The following MGA variants were observed in gnomAD, a reference collection of about 807,000 sequenced individuals.
MGA encodes MAX gene-associated protein.
In MGA, 40 loss-of-function variants were observed where a neutral mutation model predicts 261.1. The observed-to-expected ratio is 0.15, with a 90% CI of 0.12 to 0.20. The LOEUF is 0.20. Among genes scored for constraint, MGA ranks in the 10% least tolerant of loss-of-function variants. MGA has a pLI of 1.00. For synonymous variants in MGA, 1,302 were observed against 1,290.6 expected, an observed-to-expected ratio of 1.01 and a Z score of -0.19; for missense variants, 3,397 against 3,630.5, an observed-to-expected ratio of 0.94 and a Z score of 1.65.
chr15:41,666,535 G>A (rs1160624704), intron 1 of MGA, among the ~76,000 whole-genome samples: 2 of 152,160 alleles, frequency 1.3e-5, no homozygotes, highest in Non-Finnish European at 2.9e-5. Flanking sequence ...ATATTATGCA[G>A]TAGACTCATG....
upstream of MGA, among the ~76,000 whole-genome samples, chr15:41,659,132 C>G (rs1485972908): frequency 6.6e-6 from 1 of 152,082 alleles, no homozygotes; most frequent in Non-Finnish European, 1.5e-5. Flanking sequence ...GCTGACCGTG[C>G]CTGACTTGGG....
intron 3 of MGA, among the ~76,000 whole-genome samples, chr15:41,698,417 G>A (rs938490112): frequency 2.7e-5 from 4 of 149,730 alleles, no homozygotes; most frequent in African/African-American, 7.4e-5. Flanking sequence ...CACCTGCCTC[G>A]GCCTCCCAAA....
At chr15:41,736,747 T>C (rs578208168) in intron 13 of MGA, 49 bp downstream of exon 13, 2 of 1,479,638 alleles carry the variant, frequency 1.4e-6, no homozygotes, top group East Asian at 4.7e-5. Context: ...TACACCTAGG[T>C]AGTATCATGA....
chr15:41,657,507 C>G (rs1021052728), upstream of MGA, among the ~76,000 whole-genome samples: 2 of 152,010 alleles, frequency 1.3e-5, no homozygotes, highest in African/African-American at 4.8e-5. Context: ...GCGCACGCCA[C>G]CATGCCCGGC....
At position 41,711,360 on chromosome 15, in the gene MGA, G is replaced by T. The variant is rs751148023; in HGVS notation, c.3084+11G>T. 1.9e-6 allele frequency: 3 copies of T among 1,575,356 alleles called. No homozygotes were observed. The highest frequency in any genetic ancestry group is 2.6e-6 in the Non-Finnish European group (3 of 1,162,290). ...CTACTTACAGCTCAAGTAAGTAGCT[G>T]CTGTTTTCTGGAGGTATATTAGTGC... On this transcript the variant is annotated intron_variant, in intron 8 of 23. Coordinates refer to ENST00000219905, the MANE Select transcript of MGA (RefSeq NM_001164273.2).
At chr15:41,713,691 G>A (rs531400466) in intron 9 of MGA, among the ~76,000 whole-genome samples, 195 bp downstream of exon 9, 3 of 152,236 alleles carry the variant, frequency 2.0e-5, no homozygotes, top group East Asian at 1.9e-4. Context: ...AAGTTGAATT[G>A]TTCTCTGAGA....
At chr15:41,717,540 C>T (rs2060706174) in intron 9 of MGA, among the ~76,000 whole-genome samples, 1 of 152,066 alleles carries the variant, frequency 6.6e-6, no homozygotes, top group Non-Finnish European at 1.5e-5. Flanking sequence ...AATGGAAAAA[C>T]TCTTTAAAAG....
intron 18 of MGA, among the ~76,000 whole-genome samples, chr15:41,755,609 C>T (rs929119372): frequency 3.3e-5 from 5 of 151,974 alleles, no homozygotes; most frequent in Non-Finnish European, 5.9e-5. Flanking sequence ...TATTGAAAGA[C>T]GAAGAGGAAT....
At chr15:41,659,910 G>A (rs567599422), upstream of MGA, among the ~76,000 whole-genome samples, 29 of 152,328 alleles carry the variant, frequency 1.9e-4, no homozygotes, top group African/African-American at 7.0e-4. Context: ...CAAGGTCTTT[G>A]GCTTCAAGGT....
At chr15:41,751,643 G>T (rs1378222475) in intron 17 of MGA, 2 of 152,502 alleles carry the variant, frequency 1.3e-5, no homozygotes, top group Non-Finnish European at 2.9e-5. Flanking sequence ...AGAATCGCTT[G>T]AACCCGGGAG....
rs1240603099 is a variant in MGA, at chr15:41,766,420, A to T, written c.8338A>T (p.Met2780Leu). 1 of 1,613,936 alleles carries T rather than the reference A, an allele frequency of 6.2e-7. No homozygotes were observed. Among genetic ancestry groups the T allele is most frequent in the South Asian group, 1.1e-5 (1 of 91,080 alleles). ...GGATTCTTCATTTCATAAATTAAAG[A>T]TGAAAGATCTCAAGGACTCAAGCAT... Residue 2780 changes from methionine (M) to leucine (L), a missense_variant, in exon 24 of 24, where the codon ATG becomes TTG. By Grantham distance (15) the Met-to-Leu change is conservative. Coordinates refer to ENST00000219905, the MANE Select transcript of MGA (RefSeq NM_001164273.2).
intron 2 of MGA, 51 bp downstream of exon 2, chr15:41,670,009 C>A: frequency 1.4e-6 from 2 of 1,431,530 alleles, no homozygotes; most frequent in Non-Finnish European, 1.9e-6. Flanking sequence ...TTGAGATGGG[C>A]CAGGTGTTGG....
chr15:41,737,751 T>G (rs1292487942), intron 13 of MGA, among the ~76,000 whole-genome samples: 1 of 151,026 alleles, frequency 6.6e-6, no homozygotes, highest in Non-Finnish European at 1.5e-5. Context: ...GAGGCCGAGG[T>G]GGTGGATCAC....
chr15:41,672,888 ACACT>A (rs1393098762), intron 2 of MGA, among the ~76,000 whole-genome samples: 1 of 149,086 alleles, frequency 6.7e-6, no homozygotes, highest in South Asian at 2.1e-4. Context: ...ACACACACAC[ACACT>A]ATTTTCCCAT....
Position 41,749,360 on chromosome 15 carries a change from C to G in MGA, c.5753C>G (p.Ser1918Cys). The G allele has an allele frequency of 1.2e-6, 2 of 1,614,004 alleles. No homozygotes were observed. Among genetic ancestry groups the G allele is most frequent in the Non-Finnish European group, 1.7e-6 (2 of 1,179,886 alleles). ...CAAAGCTTTGCAAGTAAAACAGGCT[C>G]TGAAACCAAAATAACTTATAGCTCA... The change falls in exon 17 of 24, where the codon TCT (serine) becomes TGT (cysteine). Residue 1918 changes from serine to cysteine, a missense_variant. Around this residue, in one of 9 missense-constraint regions of MGA, gnomAD observed 1,410 missense variants for 1,386.4 expected, o/e 1.02. Coordinates refer to ENST00000219905, the MANE Select transcript of MGA (RefSeq NM_001164273.2).
At chr15:41,655,035 A>G (rs2057135598) in intron 1 of MGA, among the ~76,000 whole-genome samples, 1 of 152,106 alleles carries the variant, frequency 6.6e-6, no homozygotes, top group Non-Finnish European at 1.5e-5. Context: ...TTTGTCCCTC[A>G]GTATCTGTGG....
intron 1 of MGA, among the ~76,000 whole-genome samples, chr15:41,646,991 T>C (rs1378649086): frequency 6.6e-6 from 1 of 152,190 alleles, no homozygotes; most frequent in Non-Finnish European, 1.5e-5. Flanking sequence ...CATGTACAAC[T>C]TACTTCTTCA....
rs758043557 is a variant in MGA, at chr15:41,766,313, C to T, written c.8231C>T (p.Pro2744Leu). Reference sequence around the variant, plus strand: ...ATGCAGAAAGCACAAGAGTTCTTACCTAAAAAGATTTCTGGTGATATGAGA... The same window carrying T: ...ATGCAGAAAGCACAAGAGTTCTTACTTAAAAAGATTTCTGGTGATATGAGA... The change falls in exon 24 of 24, where the codon CCT (proline) becomes CTT (leucine). Residue 2744 changes from proline to leucine, a missense_variant. Pro to Leu is a moderately conservative substitution (Grantham distance 98). Transcript: ENST00000219905. 6.2e-7 allele frequency: 1 copy of T among 1,613,772 alleles called. No individual in the cohort carries two copies. The highest frequency in any genetic ancestry group is 1.1e-5 in the South Asian group (1 of 91,062).
rs545548592 is a variant in MGA, at chr15:41,768,737, C to G, written c.*1457C>G. ...GGTGATGCTATTTCTTCTATATCTC[C>G]TGTCTTCTTTATCCCAAATCCCACT... On this transcript the variant is annotated 3_prime_UTR_variant, in exon 24 of 24. Transcript: ENST00000219905. 1 of 152,680 alleles carries G rather than the reference C, an allele frequency of 6.5e-6. No individual in the cohort carries two copies. Among genetic ancestry groups the G allele is most frequent in the Non-Finnish European group, 1.5e-5 (1 of 68,030 alleles). 9.5% of individuals were successfully genotyped at this position (152,680 alleles called of 1,614,324 possible).
Sources: gnomAD v4.1 joint callset for allele counts (sites outside exome capture counted in the v4.1 genomes callset) on GRCh38, gnomAD v4.1.1 for gene constraint, gnomAD v4.1.1 regional missense constraint, MANE v1.5 for transcripts, NCBI Gene and HGNC (gene_info 2026-07-23, HGNC 2026-07-21) for gene names.